The following FGD2 variants were observed in gnomAD, a reference collection of about 807,000 sequenced individuals.
FGD2 encodes the protein FYVE, RhoGEF and PH domain-containing protein 2.
Under a neutral mutation model 75.9 loss-of-function variants are expected in FGD2, and 52 were observed. The observed-to-expected ratio is 0.69, with a 90% CI of 0.55 to 0.86. The LOEUF (loss-of-function observed/expected upper bound fraction) is 0.86, where lower values mean the gene tolerates loss of function less well. FGD2 is among the 40% of genes least tolerant of loss of function. The pLI is 0.00. For synonymous variants in FGD2, 347 were observed against 348.6 expected (o/e 1.00, Z 0.05); for missense variants, 790 against 872.0 (o/e 0.91, Z 1.18).
Position 37,028,124 on chromosome 6 carries a change from G to C in FGD2, c.1929G>C (p.Trp643Cys), listed in dbSNP as rs777282701. The change falls in exon 16 of 16, where the codon TGG becomes TGC. Residue 643 changes from tryptophan to cysteine, a missense_variant. Trp to Cys is a radical substitution (Grantham distance 215, BLOSUM62 -2). Transcript: ENST00000274963. ...CCATGGAGCGGGCGGCCAGTGGCTG[G>C]AGCCCCAGCTGGCCCAACGATGGGG... is the stretch of plus-strand genomic sequence containing the variant. ...VKAMERAASG[W>C]SPSWPNDGDL... is the part of the protein sequence containing the mutation. 4.4e-6 allele frequency: 7 copies of C among 1,607,640 alleles called. No homozygotes were observed. The African/African-American group carries it at 5.3e-5, about 12-fold the overall frequency.
Position 37,005,735 on chromosome 6 carries a change from A to G in FGD2, c.-83A>G, listed in dbSNP as rs1764717269. 1.4e-6 allele frequency: 2 copies of G among 1,446,050 alleles called. No individual in the cohort carries two copies. The highest frequency in any genetic ancestry group is 1.8e-5 in the Admixed American group (1 of 54,730). The allele number at this position is 1,446,050 out of a possible 1,614,324, so 89.6% of individuals were successfully genotyped here. A position where few individuals can be genotyped will look rare whatever the true frequency, so the allele number is the denominator to read the frequency against. On this transcript the variant is annotated 5_prime_UTR_variant, in exon 1 of 16. Coordinates refer to ENST00000274963, the MANE Select transcript of FGD2 (RefSeq NM_173558.4). Reference sequence around the variant, plus strand: ...ATGGGTGATTTAGCCTATCTGTCCCAGGCCAGCGTGGCTGAGTGTGCTGGC... The same window carrying G: ...ATGGGTGATTTAGCCTATCTGTCCCGGGCCAGCGTGGCTGAGTGTGCTGGC...
intron 9 of FGD2, among the ~76,000 whole-genome samples, chr6:37,017,740 T>C (rs940920): frequency 0.058 from 8,837 of 151,900 alleles, 368 homozygotes; most frequent in East Asian, 0.16. Context: ...CAGGCAGGAG[T>C]TGAACCAGAA....
At chr6:37,021,884 G>A (rs566637771) in intron 12 of FGD2, 2 of 480,118 alleles carry the variant, frequency 4.2e-6, no homozygotes, top group Non-Finnish European at 7.4e-6. Flanking sequence ...TTTTGGGTTT[G>A]AAAGTATCTG....
intron 12 of FGD2, 58 bp downstream of exon 12, chr6:37,021,662 CCT>C (rs1319562453): frequency 2.7e-6 from 4 of 1,457,198 alleles, no homozygotes; most frequent in East Asian, 2.4e-5. Flanking sequence ...GAGCTTGTTC[CCT>C]CTCTGTTCTG....
At chr6:37,014,591 C>CCCAGCCA in intron 6 of FGD2, 55 bp from the exon 7 acceptor site, 1 of 1,604,056 alleles carries the variant, frequency 6.2e-7, no homozygotes, top group Non-Finnish European at 8.5e-7. Flanking sequence ...GACCTCCTGC[C>CCCAGCCA]CCAGCCACCA....
At chr6:37,015,729 G>A in intron 8 of FGD2, 39 bp from the exon 9 acceptor site, 1 of 1,546,524 alleles carries the variant, frequency 6.5e-7, no homozygotes, top group Non-Finnish European at 8.8e-7. Context: ...CATCCTCCCT[G>A]CCCCTGCCAC....
chr6:37,010,498 C>G (rs1764953692), intron 2 of FGD2, among the ~76,000 whole-genome samples: 1 of 152,242 alleles, frequency 6.6e-6, no homozygotes, highest in Non-Finnish European at 1.5e-5. Context: ...CCAGCGGGAT[C>G]TCTCAAGTAG....
chr6:37,013,792 G>A (rs752062074), intron 5 of FGD2, 27 bp downstream of exon 5: 1 of 1,611,874 alleles, frequency 6.2e-7, no homozygotes, highest in South Asian at 1.1e-5. Flanking sequence ...GCTGGAGTCA[G>A]CATTGCCACT....
chr6:37,011,269 C>T, intron 3 of FGD2: 1 of 600,922 alleles, frequency 1.7e-6, no homozygotes, highest in South Asian at 2.0e-5. Flanking sequence ...CAGGCTGGCC[C>T]CTGTATAGCA....
chr6:37,009,179 G>A (rs1764894056), intron 2 of FGD2, 114 bp downstream of exon 2: 2 of 1,015,966 alleles, frequency 2.0e-6, no homozygotes, highest in Middle Eastern at 3.1e-4. Flanking sequence ...TGGGGGTATG[G>A]TGTGATCAGA....
chr6:37,007,447 C>T (rs770639310), intron 1 of FGD2, among the ~76,000 whole-genome samples: 6 of 152,212 alleles, frequency 3.9e-5, no homozygotes, highest in Non-Finnish European at 8.8e-5. Context: ...GATGGTACCA[C>T]CTCACTCAAC....
chr6:37,028,910 A>G lies in FGD2; in HGVS notation c.*747A>G, dbSNP rs1186695102. On this transcript the variant is annotated 3_prime_UTR_variant, in exon 16 of 16. Transcript: ENST00000274963. ...AGGCGTGAGCCACCATACCTGGCGCATGCATATTTTTTAAGAGTACCCACT... is the reference window on the plus strand; with the variant it reads ...AGGCGTGAGCCACCATACCTGGCGCGTGCATATTTTTTAAGAGTACCCACT... The G allele has an allele frequency of 6.6e-6, 1 of 151,942 alleles. No homozygotes were observed. Among genetic ancestry groups the G allele is most frequent in the Non-Finnish European group, 1.5e-5 (1 of 67,996 alleles). The allele number at this position is 151,942 out of a possible 1,614,324, so 9.4% of individuals were successfully genotyped here.
intron 2 of FGD2, 153 bp downstream of exon 2, chr6:37,009,218 C>T: frequency 1.5e-6 from 1 of 683,758 alleles, no homozygotes; most frequent in Non-Finnish European, 2.4e-6. Context: ...TTTCCCCATG[C>T]TTAATGGCCT....
At chr6:37,009,963 G>A (rs563750829) in intron 2 of FGD2, 3 of 148,640 alleles carry the variant, frequency 2.0e-5, no homozygotes, top group Non-Finnish European at 3.0e-5. Flanking sequence ...GCAGTGAGCC[G>A]AGATTGCGCC....
rs548902755 is a variant in FGD2, at chr6:37,015,154, C to T, written c.1029+116C>T. On this transcript the variant is annotated intron_variant, in intron 8 of 15. Transcript: ENST00000274963. ...CACTGCAGGGGGACAGGGAAGAGAA[C>T]GCTTCTCTGTCTTTTTCTGCTTTGG... The T allele has an allele frequency of 6.3e-4, 859 of 1,365,214 alleles. 23 individuals are homozygous for T. In the Admixed American group the frequency reaches 0.021, roughly 34 times the overall value. 84.6% of individuals were successfully genotyped at this position (1,365,214 alleles called of 1,614,324 possible). A position where few individuals can be genotyped will look rare whatever the true frequency, so the allele number is the denominator to read the frequency against.
chr6:37,025,505 G>T lies in FGD2; in HGVS notation c.1459-287G>T, dbSNP rs1201088229. The T allele has an allele frequency of 6.7e-6, 3 of 446,346 alleles. No homozygotes were observed. The South Asian group carries it at 8.5e-5, about 13-fold the overall frequency. 27.6% of individuals were successfully genotyped at this position (446,346 alleles called of 1,614,324 possible). ...GGGTTCACAGCAGCCCTCACTCGGA[G>T]GGAACCTGGAGGGGAGAGAAGTTAC... On this transcript the variant is annotated intron_variant, in intron 13 of 15. Coordinates refer to ENST00000274963, the MANE Select transcript of FGD2 (RefSeq NM_173558.4).
intron 6 of FGD2, 61 bp from the exon 7 acceptor site, chr6:37,014,585 T>C: frequency 6.3e-7 from 1 of 1,598,724 alleles, no homozygotes; most frequent in Admixed American, 1.7e-5. Flanking sequence ...TTCAAGGACC[T>C]CCTGCCCCAG....
At position 37,010,936 on chromosome 6, in the gene FGD2, C is replaced by G. The variant is rs1005975808; in HGVS notation, c.301-37C>G. 1.4e-5 allele frequency: 22 copies of G among 1,602,068 alleles called. No homozygotes were observed. The East Asian group carries it at 4.2e-4, about 31-fold the overall frequency. ...TCAGAGGAGACCAAAGCTGTCTTCC[C>G]CCTTTTTCTCCTTCTCTCCCCTCCA... On this transcript the variant is annotated intron_variant, in intron 2 of 15. Coordinates refer to ENST00000274963, the MANE Select transcript of FGD2 (RefSeq NM_173558.4).
intron 9 of FGD2, among the ~76,000 whole-genome samples, chr6:37,016,210 T>C (rs761071520): frequency 2.6e-5 from 4 of 151,970 alleles, no homozygotes; most frequent in Non-Finnish European, 5.9e-5. Context: ...GAGGTCTGGG[T>C]GGGGGGGTGC....
Sources: allele counts gnomAD v4.1 joint callset (sites outside exome capture counted in the v4.1 genomes callset), GRCh38; gene constraint gnomAD v4.1.1; transcripts MANE v1.5; gene names NCBI Gene and HGNC (gene_info 2026-07-23, HGNC 2026-07-21).